The following KCNMA1 variants were observed in gnomAD, a reference collection of about 807,000 sequenced individuals.
KCNMA1 encodes Calcium-activated potassium channel subunit alpha-1.
KCNMA1 carries 29 observed loss-of-function variants against 140.0 expected under a neutral mutation model. That is an observed-to-expected ratio of 0.21 (90% CI 0.15 to 0.28). KCNMA1 has a LOEUF of 0.28. Ranked by LOEUF, KCNMA1 falls within the 10% of genes least tolerant of loss-of-function variation. The pLI, the probability that KCNMA1 is intolerant of heterozygous loss-of-function variation, is 1.00. For synonymous variants in KCNMA1, 612 were observed against 611.9 expected (o/e 1.00, Z 0.00); for missense variants, 880 against 1,602.2 (o/e 0.55, Z 7.70).
chr10:76,955,197 CT>C (rs60670000), intron 20 of KCNMA1, among the ~76,000 whole-genome samples: 93,269 of 141,058 alleles, frequency 0.66, 30,607 homozygotes, highest in East Asian at 0.86. Flanking sequence ...TTTCTTTTTT[CT>C]TTTTTTTTTT....
chr10:77,510,826 G>A (rs190112699), intron 1 of KCNMA1, among the ~76,000 whole-genome samples: 3 of 152,262 alleles, frequency 2.0e-5, no homozygotes, highest in Non-Finnish European at 4.4e-5. Flanking sequence ...AGAAACCTAT[G>A]TTTCTGAAAC....
rs59657836 is a variant in KCNMA1 at position 77,375,159 on chromosome 10, G to A, written c.540+28703C>T. Among the ~76,000 whole-genome samples the A allele has an allele frequency of 3.7e-3, 558 of 152,272 alleles. 1 individual carries two copies. Among genetic ancestry groups the A allele is most frequent in the African/African-American group, 0.01 (429 of 41,544 alleles). ...GGCATGGAGCTGTGGCACCATTGGCGGGGGACAGCTAGAGTCCAGGCACAG... is the reference window on the plus strand; with the variant it reads ...GGCATGGAGCTGTGGCACCATTGGCAGGGGACAGCTAGAGTCCAGGCACAG... On this transcript the variant is annotated intron_variant, in intron 2 of 27. Coordinates refer to ENST00000286628, the MANE Select transcript of KCNMA1 (RefSeq NM_001161352.2).
intron 2 of KCNMA1, among the ~76,000 whole-genome samples, chr10:77,297,194 A>G (rs2075385999): frequency 6.6e-6 from 1 of 152,164 alleles, no homozygotes. Flanking sequence ...GAGAACTACA[A>G]AACAAGGACA....
intron 2 of KCNMA1, among the ~76,000 whole-genome samples, chr10:77,303,401 A>G (rs912740339): frequency 6.6e-6 from 1 of 152,164 alleles, no homozygotes; most frequent in African/African-American, 2.4e-5. Flanking sequence ...ATAGACTTCT[A>G]CTACTTAAGT....
At chr10:77,351,284 A>G (rs1481578905) in intron 2 of KCNMA1, among the ~76,000 whole-genome samples, 1 of 152,146 alleles carries the variant, frequency 6.6e-6, no homozygotes, top group Non-Finnish European at 1.5e-5. Flanking sequence ...AACGACAGAA[A>G]CTCCCAGGAA....
At chr10:77,261,942 A>G (rs2062121959) in intron 2 of KCNMA1, among the ~76,000 whole-genome samples, 1 of 152,202 alleles carries the variant, frequency 6.6e-6, no homozygotes, top group South Asian at 2.1e-4. Context: ...TTTTAATTTA[A>G]TTAGGTTTAT....
chr10:77,018,091 G>A (rs570842594), intron 17 of KCNMA1, among the ~76,000 whole-genome samples: 1 of 152,234 alleles, frequency 6.6e-6, no homozygotes, highest in African/African-American at 2.4e-5. Context: ...TTTTACAGAT[G>A]AGGAAACCAA....
At chr10:76,955,371 T>C (rs895166568) in intron 20 of KCNMA1, among the ~76,000 whole-genome samples, 1 of 152,126 alleles carries the variant, frequency 6.6e-6, no homozygotes, top group East Asian at 1.9e-4. Flanking sequence ...TTTGAATAAC[T>C]ACCACGACCC....
intron 1 of KCNMA1, among the ~76,000 whole-genome samples, chr10:77,563,844 C>T (rs890027398): frequency 6.6e-6 from 1 of 152,224 alleles, no homozygotes; most frequent in South Asian, 2.1e-4. Flanking sequence ...CGGCAAGACT[C>T]CAGTCCCTGG....
At chr10:77,510,175 C>T (rs1301878236) in intron 1 of KCNMA1, among the ~76,000 whole-genome samples, 1 of 152,030 alleles carries the variant, frequency 6.6e-6, no homozygotes, top group African/African-American at 2.4e-5. Flanking sequence ...ATAAGATAAG[C>T]AATGTCACCT....
intron 22 of KCNMA1, among the ~76,000 whole-genome samples, chr10:76,948,592 C>T (rs539771087): frequency 7.2e-5 from 11 of 152,266 alleles, no homozygotes; most frequent in South Asian, 4.1e-4. Context: ...CATGCACACA[C>T]GGACACACAC....
chr10:77,483,581 T>C (rs1414203236), intron 1 of KCNMA1, among the ~76,000 whole-genome samples: 1 of 152,158 alleles, frequency 6.6e-6, no homozygotes, highest in Non-Finnish European at 1.5e-5. Context: ...GGGCCCTCAG[T>C]ACTCTCATGA....
Position 77,637,611 on chromosome 10 carries a change from CT to C in KCNMA1, c.31del (p.Ser11AlafsTer15), listed in dbSNP as rs1422141825. 2.1e-4 allele frequency: 327 copies of C among 1,524,888 alleles called. No individual in the cohort carries two copies. The highest frequency in any genetic ancestry group is 2.8e-4 in the Non-Finnish European group (315 of 1,140,654). The allele number at this position is 1,524,888 out of a possible 1,614,324, so 94.5% of individuals were successfully genotyped here. On this transcript the variant is annotated frameshift_variant, in exon 1 of 28. Coordinates refer to ENST00000286628, the MANE Select transcript of KCNMA1 (RefSeq NM_001161352.2). LOFTEE classifies it high-confidence loss of function. ...TCCGCCGCCGCCGCCGCCGCCGCTG[CT>C]GCCGCCGCCGCCGCCGCCACCATTT... MANGGGGGGG[S>X]SGGGGGGGGS...
chr10:76,931,171 C>T (rs1055915434), intron 23 of KCNMA1, among the ~76,000 whole-genome samples: 5 of 152,136 alleles, frequency 3.3e-5, no homozygotes, highest in Non-Finnish European at 5.9e-5. Flanking sequence ...GGCACACACA[C>T]ACACAATAGT....
intron 1 of KCNMA1, among the ~76,000 whole-genome samples, chr10:77,564,266 C>T (rs1567573047): frequency 1.3e-5 from 2 of 152,176 alleles, no homozygotes; most frequent in South Asian, 4.1e-4. Context: ...GTGGCTCTCA[C>T]CACGCTGATC....
intron 29 of KCNMA1, among the ~76,000 whole-genome samples, chr10:76,878,072 C>G (rs767967790): frequency 6.6e-6 from 1 of 151,780 alleles, no homozygotes; most frequent in Non-Finnish European, 1.5e-5. Context: ...TGAAATATAC[C>G]TCTGCTTCCT....
intron 2 of KCNMA1, among the ~76,000 whole-genome samples, chr10:77,387,907 T>C (rs1024612676): frequency 3.3e-5 from 5 of 152,210 alleles, no homozygotes; most frequent in African/African-American, 9.6e-5. Flanking sequence ...CGTGAGCCAC[T>C]GCACCCAGCC....
At chr10:77,485,937 G>C (rs1247833537) in intron 1 of KCNMA1, among the ~76,000 whole-genome samples, 2 of 152,076 alleles carry the variant, frequency 1.3e-5, no homozygotes, top group Non-Finnish European at 1.5e-5. Context: ...GGTCACCCTA[G>C]CTGTGGACCA....
chr10:77,365,022 G>T (rs2094254281), intron 2 of KCNMA1, among the ~76,000 whole-genome samples: 1 of 152,178 alleles, frequency 6.6e-6, no homozygotes, highest in Admixed American at 6.5e-5. Context: ...AGGGGGAAAA[G>T]CTTTCAGTTT....
Sources: allele counts gnomAD v4.1 joint callset (sites outside exome capture counted in the v4.1 genomes callset), GRCh38; gene constraint gnomAD v4.1.1; transcripts MANE v1.5; gene names NCBI Gene and HGNC (gene_info 2026-07-23, HGNC 2026-07-21).